IPCEF1: variants seen among roughly 807,000 people sequenced by gnomAD.
The protein encoded by IPCEF1 is interactor protein for cytohesin exchange factors 1.
Under a neutral mutation model 50.9 loss-of-function variants are expected in IPCEF1, and 31 were observed. That is an observed-to-expected ratio of 0.61 (90% CI 0.46 to 0.82). The LOEUF is 0.82. Among genes scored for constraint, IPCEF1 ranks in the 40% least tolerant of loss-of-function variants. The pLI is 0.00. For missense variants in IPCEF1, 458 were observed against 514.0 expected, an observed-to-expected ratio of 0.89 and a Z score of 1.05; for synonymous variants, 181 against 192.0, an observed-to-expected ratio of 0.94 and a Z score of 0.47.
intron 5 of IPCEF1, among the ~76,000 whole-genome samples, chr6:154,239,713 T>A (rs1780422785): frequency 1.6e-5 from 1 of 60,654 alleles, no homozygotes; most frequent in Non-Finnish European, 4.4e-5. Context: ...TGAAGAAACT[T>A]TTTTTTTTGA....
chr6:154,291,927 C>T (rs1425231236), intron 1 of IPCEF1, among the ~76,000 whole-genome samples: 1 of 152,098 alleles, frequency 6.6e-6, no homozygotes, highest in African/African-American at 2.4e-5. Context: ...TCGTGATCCA[C>T]CCGCCTCGGC....
rs71021036 is a variant in IPCEF1, at chr6:154,273,724, CTTTTTTTTTTT to C, written c.-17-7771_-17-7761del. Among the ~76,000 whole-genome samples the C allele has an allele frequency of 2.7e-3, 171 of 63,130 alleles. 3 individuals are homozygous for C. The highest frequency in any genetic ancestry group is 3.7e-3 in the Non-Finnish European group (115 of 31,444). The allele number at this position is 63,130 out of a possible 152,430, so 41.4% of individuals were successfully genotyped here. A position where few individuals can be genotyped will look rare whatever the true frequency, so the allele number is the denominator to read the frequency against. On this transcript the variant is annotated intron_variant, in intron 2 of 11. Transcript: ENST00000367220. The stretch of plus-strand genomic sequence containing the variant: ...TCTTTTTTTCTTTCTTTCTTTCTTT[CTTTTTTTTTTT>C]TTTTTTTTTTTTTTTTTTTTTTTTT...
rs1396683561 is a variant in IPCEF1 at position 154,267,041 on chromosome 6, T to C, written c.-17-1077A>G. Among the ~76,000 whole-genome samples the C allele has an allele frequency of 3.3e-5, 5 of 152,090 alleles. 1 individual carries two copies. ...CTCCTTTTTCATATTAAAAATGCTA[T>C]ATTACATAGATATTAATAAGACATT... On this transcript the variant is annotated intron_variant, in intron 2 of 11. Transcript: ENST00000367220.
chr6:154,255,236 G>A (rs146998035), intron 3 of IPCEF1, among the ~76,000 whole-genome samples: 175 of 152,218 alleles, frequency 1.1e-3, no homozygotes, highest in Non-Finnish European at 1.9e-3. Flanking sequence ...CCCTTTTAAT[G>A]AGGATCCATA....
intron 5 of IPCEF1, among the ~76,000 whole-genome samples, chr6:154,235,167 G>A (rs1162812260): frequency 6.6e-6 from 1 of 152,244 alleles, no homozygotes; most frequent in Admixed American, 6.5e-5. Context: ...CGAGTTGGGA[G>A]AAGAATAGAT....
chr6:154,220,704 G>C (rs1433216901), intron 7 of IPCEF1, among the ~76,000 whole-genome samples: 1 of 152,150 alleles, frequency 6.6e-6, no homozygotes, highest in Non-Finnish European at 1.5e-5. Flanking sequence ...CATTAGGAAT[G>C]GTGTAGGGCA....
At chr6:154,220,312 G>A (rs790263) in intron 7 of IPCEF1, among the ~76,000 whole-genome samples, 10 of 151,898 alleles carry the variant, frequency 6.6e-5, no homozygotes, top group African/African-American at 2.4e-4. Flanking sequence ...CTAAATCAAA[G>A]AGAATGCCCT....
intron 2 of IPCEF1, among the ~76,000 whole-genome samples, chr6:154,289,291 A>C (rs944307702): frequency 3.1e-4 from 47 of 151,876 alleles, no homozygotes; most frequent in African/African-American, 1.1e-3. Flanking sequence ...TAAATATTTA[A>C]TTGTTATTAT....
At chr6:154,180,120 C>A (rs1044751719) in intron 10 of IPCEF1, among the ~76,000 whole-genome samples, 9 of 152,042 alleles carry the variant, frequency 5.9e-5, no homozygotes, top group African/African-American at 2.2e-4. Flanking sequence ...AACTGAAAAA[C>A]CAAAACAAGA....
chr6:154,207,948 C>A (rs1777635712), intron 9 of IPCEF1, among the ~76,000 whole-genome samples: 1 of 152,158 alleles, frequency 6.6e-6, no homozygotes. Context: ...CTAACCATTC[C>A]ATTTCTCTGC....
intron 2 of IPCEF1, among the ~76,000 whole-genome samples, chr6:154,283,882 T>C (rs1782290095): frequency 6.6e-6 from 1 of 152,174 alleles, no homozygotes; most frequent in African/African-American, 2.4e-5. Context: ...TTATTCCTTA[T>C]GTGCCCTACG....
At chr6:154,325,262 G>C (rs1285670166) in intron 1 of IPCEF1, among the ~76,000 whole-genome samples, 3 of 152,052 alleles carry the variant, frequency 2.0e-5, no homozygotes, top group Non-Finnish European at 2.9e-5. Flanking sequence ...CTCCACTAGT[G>C]TATAAAAACT....
intron 2 of IPCEF1, among the ~76,000 whole-genome samples, chr6:154,278,885 G>A (rs951774862): frequency 1.3e-5 from 2 of 151,206 alleles, no homozygotes; most frequent in Non-Finnish European, 2.9e-5. Flanking sequence ...GGAGGCTATG[G>A]TGGTGGATTG....
chr6:154,212,670 T>C (rs1562544401), intron 9 of IPCEF1, 100 bp downstream of exon 9: 2 of 752,570 alleles, frequency 2.7e-6, no homozygotes, highest in Admixed American at 5.2e-5. Flanking sequence ...ATTTAGCCCA[T>C]TCTAAAAATT....
At chr6:154,182,751 A>C (rs998295566) in intron 10 of IPCEF1, among the ~76,000 whole-genome samples, 4 of 152,196 alleles carry the variant, frequency 2.6e-5, no homozygotes, top group Non-Finnish European at 5.9e-5. Context: ...CATTGTAGAT[A>C]AATATGTTAG....
intron 10 of IPCEF1, among the ~76,000 whole-genome samples, chr6:154,188,744 A>T (rs895589252): frequency 3.3e-5 from 5 of 152,196 alleles, no homozygotes; most frequent in African/African-American, 1.2e-4. Flanking sequence ...GACACTGAAG[A>T]CTCATGTGGA....
intron 1 of IPCEF1, among the ~76,000 whole-genome samples, chr6:154,355,499 T>C (rs1171852816): frequency 6.6e-6 from 1 of 151,762 alleles, no homozygotes; most frequent in Non-Finnish European, 1.5e-5. Flanking sequence ...TCTTTCTTTT[T>C]TTTTTTTGAG....
chr6:154,193,367 A>G (rs1276859640), intron 10 of IPCEF1, among the ~76,000 whole-genome samples: 1 of 152,190 alleles, frequency 6.6e-6, no homozygotes, highest in East Asian at 1.9e-4. Context: ...GGGGGAAAGG[A>G]TAAGAGTGAG....
At chr6:154,260,255 C>T (rs142119447) in intron 3 of IPCEF1, among the ~76,000 whole-genome samples, 2 of 152,254 alleles carry the variant, frequency 1.3e-5, no homozygotes, top group Non-Finnish European at 2.9e-5. Context: ...ATCCACTGAC[C>T]GTTTCCTTGT....
Sources: gnomAD v4.1 joint callset for allele counts (sites outside exome capture counted in the v4.1 genomes callset) on GRCh38, gnomAD v4.1.1 for gene constraint, MANE v1.5 for transcripts, NCBI Gene and HGNC (gene_info 2026-07-23, HGNC 2026-07-21) for gene names.